The following PTPRD variants were observed in gnomAD, a reference collection of about 807,000 sequenced individuals.
PTPRD encodes the protein protein tyrosine phosphatase receptor type D, also known as receptor-type tyrosine-protein phosphatase delta.
In PTPRD, 34 loss-of-function variants were observed where a neutral mutation model predicts 214.5. The observed-to-expected ratio is 0.16, with a 90% CI of 0.12 to 0.21. The LOEUF is 0.21. Among genes scored for constraint, PTPRD ranks in the 10% least tolerant of loss-of-function variants. PTPRD has a pLI of 1.00. For synonymous variants in PTPRD, 1,128 were observed against 845.7 expected (o/e 1.33, Z -5.79); for missense variants, 2,545 against 2,398.7 (o/e 1.06, Z -1.27).
At chr9:9,526,673 GA>G (rs1167598927) in intron 8 of PTPRD, among the ~76,000 whole-genome samples, 1 of 152,034 alleles carries the variant, frequency 6.6e-6, no homozygotes, top group Non-Finnish European at 1.5e-5. Flanking sequence ...TATATCTTTG[GA>G]ATGTACTTTT....
intron 14 of PTPRD, among the ~76,000 whole-genome samples, chr9:8,555,652 G>T (rs901846260): frequency 6.6e-6 from 1 of 152,182 alleles, no homozygotes; most frequent in African/African-American, 2.4e-5. Flanking sequence ...TCCAAAATGG[G>T]ATCTGGTTTT....
At chr9:8,715,778 A>G (rs2098425842) in intron 12 of PTPRD, among the ~76,000 whole-genome samples, 1 of 152,266 alleles carries the variant, frequency 6.6e-6, no homozygotes, top group African/African-American at 2.4e-5. Flanking sequence ...TCTCTTTAAT[A>G]TTGAGACAGG....
chr9:8,405,891 T>C (rs1183681474), intron 35 of PTPRD, among the ~76,000 whole-genome samples: 1 of 152,158 alleles, frequency 6.6e-6, no homozygotes, highest in Non-Finnish European at 1.5e-5. Flanking sequence ...ATGTGCACAC[T>C]TTCTGTCAAA....
intron 39 of PTPRD, among the ~76,000 whole-genome samples, chr9:8,360,268 C>G (rs7046946): frequency 0.017 from 2,654 of 152,236 alleles, 87 homozygotes; most frequent in African/African-American, 0.06. Context: ...TTATAAACAT[C>G]TAGATGGATT....
intron 2 of PTPRD, among the ~76,000 whole-genome samples, chr9:10,581,531 G>C (rs982064915): frequency 1.3e-5 from 2 of 152,142 alleles, no homozygotes; most frequent in South Asian, 4.1e-4. Context: ...AGAGTGATGA[G>C]ACAGAAGTAT....
At chr9:9,783,083 T>C (rs924195304) in intron 5 of PTPRD, among the ~76,000 whole-genome samples, 1 of 152,202 alleles carries the variant, frequency 6.6e-6, no homozygotes, top group African/African-American at 2.4e-5. Context: ...AGATTATCAG[T>C]GATTTTCATT....
intron 2 of PTPRD, among the ~76,000 whole-genome samples, chr9:10,505,768 T>C (rs1016091448): frequency 6.6e-6 from 1 of 152,122 alleles, no homozygotes; most frequent in Non-Finnish European, 1.5e-5. Flanking sequence ...GTATATGTCA[T>C]TGCTATTGAG....
chr9:9,176,685 T>G (rs2099925090), intron 10 of PTPRD, among the ~76,000 whole-genome samples: 1 of 152,102 alleles, frequency 6.6e-6, no homozygotes, highest in Admixed American at 6.6e-5. Context: ...GGGCATGGGT[T>G]CCTGATGAAA....
At chr9:10,134,740 C>G (rs764774059) in intron 3 of PTPRD, among the ~76,000 whole-genome samples, 1 of 151,874 alleles carries the variant, frequency 6.6e-6, no homozygotes, top group African/African-American at 2.4e-5. Flanking sequence ...AAAGCAACTG[C>G]GAAAAGATAA....
At chr9:8,585,235 G>A (rs868473323) in intron 14 of PTPRD, among the ~76,000 whole-genome samples, 1 of 152,094 alleles carries the variant, frequency 6.6e-6, no homozygotes, top group African/African-American at 2.4e-5. Flanking sequence ...GAGTTACAAA[G>A]GGAGAAAAAG....
At chr9:8,372,845 C>T (rs959686648) in intron 39 of PTPRD, among the ~76,000 whole-genome samples, 1 of 151,900 alleles carries the variant, frequency 6.6e-6, no homozygotes, top group African/African-American at 2.4e-5. Flanking sequence ...TTTCCTTTTT[C>T]TGTACTGCAC....
rs79284913 is a variant in PTPRD, at chr9:8,615,598, C to T, written c.352+17719G>A. ...TAGCTAGCCTCAAGGGTAAAAATGT[C>T]TAATAAGAACAAAACCATTCTAAGT... On this transcript the variant is annotated intron_variant, in intron 14 of 45. Transcript: ENST00000381196. Among the ~76,000 whole-genome samples the T allele has an allele frequency of 3.5e-4, 54 of 152,124 alleles. No homozygotes were observed. In the East Asian group the frequency reaches 8.9e-3, roughly 25 times the overall value.
At chr9:9,074,274 T>A (rs142282686) in intron 10 of PTPRD, among the ~76,000 whole-genome samples, 7 of 152,150 alleles carry the variant, frequency 4.6e-5, no homozygotes, top group African/African-American at 1.4e-4. Flanking sequence ...GAAGTTTACA[T>A]GAAGAATAAT....
chr9:8,544,457 A>C lies in PTPRD; in HGVS notation c.353-15678T>G, dbSNP rs2079387061. 2.0e-5 allele frequency among the ~76,000 whole-genome samples: 3 copies of C among 149,412 alleles called. No homozygotes were observed. In the South Asian group the frequency reaches 6.3e-4, roughly 32 times the overall value. Reference sequence around the variant, plus strand: ...GCAGGAATTACCTTGCAGGAAAATAAAAAAAATAACTTTTTTTTTTTTTTT... The same window carrying C: ...GCAGGAATTACCTTGCAGGAAAATACAAAAAATAACTTTTTTTTTTTTTTT... On this transcript the variant is annotated intron_variant, in intron 14 of 45. Coordinates refer to ENST00000381196, the MANE Select transcript of PTPRD (RefSeq NM_002839.4).
chr9:9,648,087 C>A (rs2096243137), intron 7 of PTPRD, among the ~76,000 whole-genome samples: 2 of 152,080 alleles, frequency 1.3e-5, no homozygotes, highest in Admixed American at 1.3e-4. Context: ...GGACTTCTCC[C>A]CTCATCACTA....
At chr9:8,859,805 G>GGGC (rs1555444940) in intron 11 of PTPRD, among the ~76,000 whole-genome samples, 3 of 53,528 alleles carry the variant, frequency 5.6e-5, no homozygotes, top group African/African-American at 1.2e-4. Context: ...CCAGCAATTT[G>GGGC]GGGGTGGGGG....
At chr9:10,413,309 C>T (rs1244421909) in intron 2 of PTPRD, among the ~76,000 whole-genome samples, 1 of 151,860 alleles carries the variant, frequency 6.6e-6, no homozygotes, top group Non-Finnish European at 1.5e-5. Context: ...TTCCTGTACA[C>T]CAACAACGAC....
chr9:9,041,461 C>A (rs1363708062), intron 10 of PTPRD, among the ~76,000 whole-genome samples: 2 of 152,034 alleles, frequency 1.3e-5, no homozygotes, highest in African/African-American at 2.4e-5. Flanking sequence ...TAGGAACATG[C>A]GGTATTTGAT....
intron 3 of PTPRD, among the ~76,000 whole-genome samples, chr9:10,243,809 G>C (rs2091582733): frequency 6.6e-6 from 1 of 151,778 alleles, no homozygotes; most frequent in Non-Finnish European, 1.5e-5. Flanking sequence ...TCCAACCTTT[G>C]AACCTTTATC....
Sources: allele counts gnomAD v4.1 joint callset (sites outside exome capture counted in the v4.1 genomes callset), GRCh38; gene constraint gnomAD v4.1.1; transcripts MANE v1.5; gene names NCBI Gene and HGNC (gene_info 2026-07-23, HGNC 2026-07-21).